RAP1GDS1: variants seen among roughly 807,000 people sequenced by gnomAD.
RAP1GDS1 encodes Rap1 GTPase-GDP dissociation stimulator 1, also known as RAP1, GTP-GDP dissociation stimulator 1.
A neutral mutation model predicts 71.1 loss-of-function variants in RAP1GDS1; 35 were observed. The observed-to-expected ratio is 0.49, with a 90% confidence interval of 0.38 to 0.65. The LOEUF (loss-of-function observed/expected upper bound fraction) is 0.65, where lower values mean the gene tolerates loss of function less well. Among genes scored for constraint, RAP1GDS1 ranks in the 30% least tolerant of loss-of-function variants. The pLI is 0.00. For synonymous variants in RAP1GDS1, 229 were observed against 243.1 expected, an observed-to-expected ratio of 0.94 and a Z score of 0.54; for missense variants, 663 against 706.1, an observed-to-expected ratio of 0.94 and a Z score of 0.69.
chr4:98,350,006 G>C (rs1736924779), intron 3 of RAP1GDS1, among the ~76,000 whole-genome samples: 1 of 152,102 alleles, frequency 6.6e-6, no homozygotes, highest in South Asian at 2.1e-4. Flanking sequence ...TGAAAGCTGA[G>C]GAATATATTA....
intron 5 of RAP1GDS1, chr4:98,387,615 G>A (rs1353465509): frequency 1.4e-5 from 5 of 349,926 alleles, no homozygotes; most frequent in Non-Finnish European, 2.4e-5. Flanking sequence ...CATAGATCAT[G>A]TAGGGCCTGT....
intron 4 of RAP1GDS1, among the ~76,000 whole-genome samples, chr4:98,353,493 G>C (rs550940271): frequency 6.6e-6 from 1 of 152,198 alleles, no homozygotes; most frequent in Non-Finnish European, 1.5e-5. Flanking sequence ...ATATAAGCCA[G>C]AAAGAAAGGA....
chr4:98,414,933 TC>T (rs1747701806), intron 7 of RAP1GDS1, among the ~76,000 whole-genome samples: 1 of 150,926 alleles, frequency 6.6e-6, no homozygotes, highest in East Asian at 1.9e-4. Flanking sequence ...GTCCTTCACA[TC>T]CCTTGTAAGT....
chr4:98,321,162 AG>A (rs1731807855), intron 2 of RAP1GDS1, among the ~76,000 whole-genome samples: 1 of 145,286 alleles, frequency 6.9e-6, no homozygotes, highest in African/African-American at 2.5e-5. Flanking sequence ...ACTGGAAGAA[AG>A]GATATCAGCA....
chr4:98,419,689 G>A (rs879737986), intron 10 of RAP1GDS1, among the ~76,000 whole-genome samples: 3 of 152,052 alleles, frequency 2.0e-5, no homozygotes, highest in Non-Finnish European at 2.9e-5. Flanking sequence ...GATCAAAAAC[G>A]GAATTGTGCT....
At chr4:98,309,107 C>T (rs906158535) in intron 2 of RAP1GDS1, among the ~76,000 whole-genome samples, 8 of 151,898 alleles carry the variant, frequency 5.3e-5, no homozygotes, top group Admixed American at 1.3e-4. Context: ...ATATTGAGTG[C>T]GTGATGCCAA....
chr4:98,270,956 A>C (rs1033194805), intron 1 of RAP1GDS1, among the ~76,000 whole-genome samples: 3 of 152,192 alleles, frequency 2.0e-5, no homozygotes, highest in African/African-American at 7.2e-5. Flanking sequence ...ACCTTATTGT[A>C]ACAATATGGT....
chr4:98,315,125 C>T (rs915480484), intron 2 of RAP1GDS1, among the ~76,000 whole-genome samples: 5 of 152,128 alleles, frequency 3.3e-5, no homozygotes, highest in African/African-American at 1.2e-4. Context: ...AATAACTCCA[C>T]TCAAATGTTA....
intron 5 of RAP1GDS1, among the ~76,000 whole-genome samples, chr4:98,380,123 C>A (rs1741776732): frequency 6.7e-6 from 1 of 150,190 alleles, no homozygotes; most frequent in Admixed American, 6.6e-5. Context: ...TAAATGGCTA[C>A]TGATATTTGG....
At chr4:98,367,404 A>C (rs1343339405) in intron 4 of RAP1GDS1, among the ~76,000 whole-genome samples, 1 of 152,236 alleles carries the variant, frequency 6.6e-6, no homozygotes, top group African/African-American at 2.4e-5. Context: ...CTGCTAAGGC[A>C]GTGCAGAAGG....
chr4:98,386,342 A>G (rs960288872), intron 5 of RAP1GDS1, among the ~76,000 whole-genome samples: 7 of 151,794 alleles, frequency 4.6e-5, no homozygotes, highest in Admixed American at 1.3e-4. Flanking sequence ...TTGCTTTGGC[A>G]TTTTTTTGTT....
At chr4:98,376,879 T>C (rs1741256026) in intron 4 of RAP1GDS1, among the ~76,000 whole-genome samples, 1 of 151,958 alleles carries the variant, frequency 6.6e-6, no homozygotes, top group South Asian at 2.1e-4. Context: ...AGAAAAGCAC[T>C]GTGGCTCTGA....
At position 98,436,927 on chromosome 4, in the gene RAP1GDS1, G is replaced by C. The variant is rs1751220897; in HGVS notation, c.1568-13G>C. The C allele has an allele frequency of 1.3e-6, 2 of 1,586,708 alleles. No individual in the cohort carries two copies. Among genetic ancestry groups the C allele is most frequent in the Non-Finnish European group, 1.7e-6 (2 of 1,172,042 alleles). ...GGTTCGTACGCAGTAGATATACTTT[G>C]TTTTATTTGTAGGCACTGCTGAGAA... On this transcript the variant is annotated splice_polypyrimidine_tract_variant and intron_variant, in intron 13 of 14. Coordinates refer to ENST00000408927, the MANE Select transcript of RAP1GDS1 (RefSeq NM_001100427.2).
At chr4:98,286,750 G>A (rs1240133766) in intron 1 of RAP1GDS1, among the ~76,000 whole-genome samples, 1 of 151,972 alleles carries the variant, frequency 6.6e-6, no homozygotes, top group East Asian at 1.9e-4. Flanking sequence ...GCTGGGCGTG[G>A]TGGCAGGTGC....
intron 7 of RAP1GDS1, among the ~76,000 whole-genome samples, chr4:98,405,027 G>A (rs551728244): frequency 1.3e-5 from 2 of 152,166 alleles, no homozygotes; most frequent in African/African-American, 4.8e-5. Flanking sequence ...TGAATCAGAA[G>A]AAACAAACTA....
intron 1 of RAP1GDS1, among the ~76,000 whole-genome samples, chr4:98,291,719 C>T (rs1268690016): frequency 1.3e-5 from 2 of 152,022 alleles, no homozygotes; most frequent in Non-Finnish European, 2.9e-5. Flanking sequence ...TGTCACTGTA[C>T]ACCTGGACAG....
intron 2 of RAP1GDS1, among the ~76,000 whole-genome samples, chr4:98,320,156 G>C (rs1033691623): frequency 6.6e-6 from 1 of 152,164 alleles, no homozygotes; most frequent in Non-Finnish European, 1.5e-5. Flanking sequence ...TATGGGTAAG[G>C]CTTCTGGTCA....
chr4:98,261,664 T>G, intron 1 of RAP1GDS1, 95 bp downstream of exon 1: 1 of 1,438,194 alleles, frequency 7.0e-7, no homozygotes, highest in South Asian at 1.2e-5. Flanking sequence ...AGTTGCCGGA[T>G]TTCTCCAGTC....
intron 6 of RAP1GDS1, among the ~76,000 whole-genome samples, chr4:98,398,648 T>C (rs1744910789): frequency 6.6e-6 from 1 of 152,092 alleles, no homozygotes; most frequent in Non-Finnish European, 1.5e-5. Context: ...AAAGTCAAAT[T>C]GTGCCTGCAA....
Sources: allele counts gnomAD v4.1 joint callset (sites outside exome capture counted in the v4.1 genomes callset), GRCh38; gene constraint gnomAD v4.1.1; transcripts MANE v1.5; gene names NCBI Gene and HGNC (gene_info 2026-07-23, HGNC 2026-07-21).